JUP: variants seen among roughly 807,000 people sequenced by gnomAD.
The protein encoded by JUP is catenin (cadherin-associated protein), gamma 80kDa.
Under a neutral mutation model 71.1 loss-of-function variants are expected in JUP, and 28 were observed. The observed-to-expected ratio is 0.39, with a 90% CI of 0.29 to 0.54. JUP has a LOEUF of 0.54. JUP is among the 20% of genes least tolerant of loss of function. The pLI is 0.62. For missense variants in JUP, 869 were observed against 1,030.1 expected, an observed-to-expected ratio of 0.84 and a Z score of 2.14; for synonymous variants, 401 against 438.9, an observed-to-expected ratio of 0.91 and a Z score of 1.08.
In JUP at chr17:41,763,056, G is replaced by A. The variant is rs1915149658; in HGVS notation, c.1424C>T (p.Ser475Phe). Residue 475 changes from serine to phenylalanine, a missense_variant, in exon 8 of 14, where the codon TCT (serine) becomes TTT (phenylalanine). Coordinates refer to ENST00000393931, the MANE Select transcript of JUP (RefSeq NM_002230.4). ...RHPEAEMAQN[S>F]VRLNYGIPAI... is the part of the protein sequence containing the mutation. ...TGGGATGCCATAGTTGAGACGCACAGAGTTCTGGGCCATCTCGGCCTCAGG... is the reference window on the plus strand; with the variant it reads ...TGGGATGCCATAGTTGAGACGCACAAAGTTCTGGGCCATCTCGGCCTCAGG... 16 of 1,614,122 alleles carry A rather than the reference G, an allele frequency of 9.9e-6. No homozygotes were observed. The highest frequency in any genetic ancestry group is 1.4e-5 in the Non-Finnish European group (16 of 1,179,968).
At chr17:41,759,645 T>G (rs1016526092) in intron 8 of JUP, among the ~76,000 whole-genome samples, 2 of 151,992 alleles carry the variant, frequency 1.3e-5, no homozygotes, top group Non-Finnish European at 2.9e-5. Context: ...TGAGATCTCC[T>G]CCCCAGGGTC....
chr17:41,758,368 G>T (rs1555599340), intron 10 of JUP, 31 bp downstream of exon 10: 1 of 1,611,668 alleles, frequency 6.2e-7, no homozygotes, highest in Non-Finnish European at 8.5e-7. Context: ...GTGGTGGGGG[G>T]ACCTCTCCTG....
chr17:41,777,044 G>C (rs2046919992), intron 1 of JUP, among the ~76,000 whole-genome samples: 1 of 152,162 alleles, frequency 6.6e-6, no homozygotes, highest in Non-Finnish European at 1.5e-5. Context: ...AAAAAGGCGA[G>C]GGCTGGCACA....
In JUP at chr17:41,763,172, C is replaced by A. The variant is rs782594495; in HGVS notation, c.1308G>T (p.Glu436Asp). 6 of 1,614,124 alleles carry A rather than the reference C, an allele frequency of 3.7e-6. No homozygotes were observed. The African/African-American group carries it at 6.7e-5, about 18-fold the overall frequency. ...CACGCAGGATGGCATGGATGAGAGC[C>A]TCCACACCGCTGTTCTGTGTCACCA... ...KTLVTQNSGV[E>D]ALIHAILRAG... Residue 436 changes from glutamate (E) to aspartate (D), a missense_variant, in exon 8 of 14, where the codon GAG becomes GAT. Glu to Asp is a conservative substitution (Grantham distance 45). Coordinates refer to ENST00000393931, the MANE Select transcript of JUP (RefSeq NM_002230.4).
intron 12 of JUP, 92 bp downstream of exon 12, chr17:41,757,323 G>A (rs184422413): frequency 7.5e-5 from 101 of 1,343,312 alleles, no homozygotes; most frequent in Admixed American, 2.2e-4. Context: ...AATCTATGAA[G>A]TTGACAGTAG....
intron 8 of JUP, among the ~76,000 whole-genome samples, chr17:41,760,241 T>TTTTG (rs1198862497): frequency 3.3e-5 from 5 of 151,834 alleles, no homozygotes; most frequent in African/African-American, 1.2e-4. Flanking sequence ...ACTGGGTTTT[T>TTTTG]TTTGTTTGTT....
chr17:41,764,993 G>C lies in JUP; in HGVS notation c.984C>G (p.Leu328=). 1.9e-6 allele frequency: 3 copies of C among 1,614,166 alleles called. No individual in the cohort carries two copies. The highest frequency in any genetic ancestry group is 2.5e-6 in the Non-Finnish European group (3 of 1,180,030). Residue 328 remains leucine, a synonymous_variant, in exon 6 of 14, where the codon CTC becomes CTG. Transcript: ENST00000393931. ...CCTTGAGCACACGACTGGTGGTCCA[G>C]AGCAGCTTTTCATAACTGTAGTTAC... ...IMRNYSYEKL[L]WTTSRVLKVL...
chr17:41,780,432 G>A (rs2047103724), intron 1 of JUP, among the ~76,000 whole-genome samples: 1 of 151,932 alleles, frequency 6.6e-6, no homozygotes, highest in African/African-American at 2.4e-5. Context: ...AGTGGCTCAC[G>A]CCTGTAATCC....
At chr17:41,786,248 G>C (rs2047451234) in intron 1 of JUP, 1 of 152,206 alleles carries the variant, frequency 6.6e-6, no homozygotes, top group South Asian at 2.1e-4. Context: ...CGCAGTCGAA[G>C]CAGAGCAAAG....
chr17:41,779,790 C>A (rs552037595), intron 1 of JUP, among the ~76,000 whole-genome samples: 2 of 151,792 alleles, frequency 1.3e-5, no homozygotes, highest in Admixed American at 1.3e-4. Flanking sequence ...CTCAGCCTCC[C>A]GAGTAGCTAG....
chr17:41,782,020 C>T (rs1289840654), intron 1 of JUP, among the ~76,000 whole-genome samples: 3 of 152,162 alleles, frequency 2.0e-5, no homozygotes, highest in African/African-American at 7.2e-5. Context: ...TCAATAATCC[C>T]GTTGCCTGGG....
At chr17:41,768,752 C>T (rs1916100617) in intron 4 of JUP, among the ~76,000 whole-genome samples, 1 of 152,228 alleles carries the variant, frequency 6.6e-6, no homozygotes, top group African/African-American at 2.4e-5. Context: ...TCTCAATGCT[C>T]TTCTGCCATA....
At chr17:41,769,363 A>C (rs1387415288) in intron 3 of JUP, 55 bp downstream of exon 3, 3 of 1,585,256 alleles carry the variant, frequency 1.9e-6, no homozygotes, top group Admixed American at 1.8e-5. Flanking sequence ...CCCTGAGGAC[A>C]TCTGCTCTCT....
chr17:41,758,496 A>G lies in JUP; in HGVS notation c.1676T>C (p.Ile559Thr). 1 of 1,613,242 alleles carries G rather than the reference A, an allele frequency of 6.2e-7. No homozygotes were observed. The highest frequency in any genetic ancestry group is 8.5e-7 in the Non-Finnish European group (1 of 1,179,420). The stretch of plus-strand genomic sequence containing the variant: ...CAGTGCTCCGGTGCAGCCCTCCACA[A>G]TCTCCTCCATCCTCACACCATCCTG... Reference protein sequence around the residue: ...PYTDGVRMEEIVEGCTGALHI... With the variant: ...PYTDGVRMEETVEGCTGALHI... Residue 559 changes from isoleucine (I) to threonine (T), a missense_variant, in exon 10 of 14, where the codon ATT becomes ACT. Physicochemically the swap from Ile to Thr is moderately conservative, Grantham distance 89 (BLOSUM62 -1). Transcript: ENST00000393931.
chr17:41,764,661 G>T, intron 7 of JUP, 52 bp downstream of exon 7: 2 of 1,436,592 alleles, frequency 1.4e-6, no homozygotes, highest in Non-Finnish European at 2.0e-6. Flanking sequence ...CAGACAGGAG[G>T]CTGGATGGGG....
At chr17:41,762,923 T>A in intron 8 of JUP, 60 bp downstream of exon 8, 1 of 1,472,758 alleles carries the variant, frequency 6.8e-7, no homozygotes, top group Admixed American at 1.7e-5. Flanking sequence ...GCTTTGCCTA[T>A]ACCAATACAG....
At chr17:41,778,187 T>C (rs2046975706) in intron 1 of JUP, among the ~76,000 whole-genome samples, 1 of 152,178 alleles carries the variant, frequency 6.6e-6, no homozygotes, top group Non-Finnish European at 1.5e-5. Context: ...GATCCCTACA[T>C]ATAACCCTCT....
intron 8 of JUP, 55 bp downstream of exon 8, chr17:41,762,928 A>G: frequency 6.6e-7 from 1 of 1,515,694 alleles, no homozygotes; most frequent in Non-Finnish European, 9.1e-7. Context: ...GCCTATACCA[A>G]TACAGCACCT....
chr17:41,763,717 C>T (rs1186341507), intron 7 of JUP, among the ~76,000 whole-genome samples: 1 of 152,128 alleles, frequency 6.6e-6, no homozygotes, highest in Non-Finnish European at 1.5e-5. Flanking sequence ...TTGAGGGGGC[C>T]GCATGATTCA....
Sources: gnomAD v4.1 joint callset for allele counts (sites outside exome capture counted in the v4.1 genomes callset) on GRCh38, gnomAD v4.1.1 for gene constraint, MANE v1.5 for transcripts, NCBI Gene and HGNC (gene_info 2026-07-23, HGNC 2026-07-21) for gene names.